Variants in XIRP2 observed in about 807,000 individuals in gnomAD.
XIRP2 encodes xin actin binding repeat containing 2.
Under a neutral mutation model 277.0 loss-of-function variants are expected in XIRP2, and 236 were observed. That is an observed-to-expected ratio of 0.85 (90% CI 0.77 to 0.95). The LOEUF (loss-of-function observed/expected upper bound fraction) is 0.95, where lower values mean the gene tolerates loss of function less well. Ranked by LOEUF, XIRP2 falls within the 40% of genes least tolerant of loss-of-function variation. The pLI, the probability that XIRP2 is intolerant of heterozygous loss-of-function variation, is 0.00. For missense variants in XIRP2, 4,640 were observed against 4,157.5 expected (o/e 1.12, Z -3.19); for synonymous variants, 1,490 against 1,416.5 (o/e 1.05, Z -1.17).
chr2:167,034,979 TGG>T (rs1381787543), intron 2 of XIRP2, among the ~76,000 whole-genome samples: 2 of 152,280 alleles, frequency 1.3e-5, no homozygotes, highest in East Asian at 3.9e-4. Context: ...TGAGATCCGA[TGG>T]GTTTATCAGG....
chr2:167,097,372 CT>C (rs149769877), intron 2 of XIRP2, among the ~76,000 whole-genome samples: 4,746 of 151,716 alleles, frequency 0.031, 85 homozygotes, highest in East Asian at 0.049. Context: ...GCAACCCCTG[CT>C]TTTTTTTGTT....
chr2:167,105,474 T>C (rs903966713), intron 2 of XIRP2, among the ~76,000 whole-genome samples: 1 of 151,976 alleles, frequency 6.6e-6, no homozygotes, highest in Non-Finnish European at 1.5e-5. Flanking sequence ...GTTGAGTATA[T>C]GTACAAATAG....
intron 4 of XIRP2, 115 bp downstream of exon 4, chr2:167,211,010 C>G: frequency 7.8e-7 from 1 of 1,286,444 alleles, no homozygotes; most frequent in East Asian, 2.5e-5. Context: ...GTAGAAAGAG[C>G]ACAAAAATAG....
At chr2:167,074,804 C>A (rs1689521406) in intron 2 of XIRP2, among the ~76,000 whole-genome samples, 1 of 152,002 alleles carries the variant, frequency 6.6e-6, no homozygotes, top group Admixed American at 6.6e-5. Flanking sequence ...CACACTCAGG[C>A]AATAGAGACA....
chr2:167,134,246 G>A (rs1165342394), intron 2 of XIRP2, among the ~76,000 whole-genome samples: 2 of 146,336 alleles, frequency 1.4e-5, no homozygotes, highest in African/African-American at 5.4e-5. Flanking sequence ...TTATATATTT[G>A]TGTGAATATA....
intron 2 of XIRP2, among the ~76,000 whole-genome samples, chr2:166,968,134 G>A (rs920144495): frequency 2.0e-5 from 3 of 151,894 alleles, no homozygotes; most frequent in African/African-American, 7.2e-5. Flanking sequence ...CATTAGAATT[G>A]TATGAAGATG....
rs777508243 is a variant in XIRP2, at chr2:167,244,834, A to G, written c.3442A>G (p.Lys1148Glu). 4.3e-6 allele frequency: 7 copies of G among 1,613,636 alleles called. No individual in the cohort carries two copies. In the East Asian group the frequency reaches 1.6e-4, roughly 36 times the overall value. Residue 1148 changes from lysine (K) to glutamate (E), a missense_variant, in exon 9 of 11, where the codon AAA (lysine) becomes GAA (glutamate). Transcript: ENST00000409195. ...AAAAGATGACTCTGAAACAGCAGTC[A>G]AATTGCAAACTGTAAAACAGGAGGA... ...TIKDDSETAV[K>E]LQTVKQEEIQ...
chr2:167,158,037 T>A (rs966561676), intron 3 of XIRP2, among the ~76,000 whole-genome samples: 2 of 152,204 alleles, frequency 1.3e-5, no homozygotes, highest in African/African-American at 4.8e-5. Flanking sequence ...GTGTTCTAGT[T>A]GTGCCGTAAC....
chr2:166,940,098 T>C (rs1360302825), intron 2 of XIRP2, among the ~76,000 whole-genome samples: 2 of 152,214 alleles, frequency 1.3e-5, no homozygotes, highest in Admixed American at 1.3e-4. Flanking sequence ...CAGACTTAGA[T>C]TTTTTCTTTC....
intron 5 of XIRP2, among the ~76,000 whole-genome samples, chr2:167,226,358 C>T (rs1268248305): frequency 1.3e-5 from 2 of 152,158 alleles, no homozygotes; most frequent in Non-Finnish European, 2.9e-5. Context: ...TCTCTTCCTA[C>T]CCACATCCAC....
At chr2:167,166,673 C>A (rs963006710) in intron 3 of XIRP2, among the ~76,000 whole-genome samples, 1 of 152,128 alleles carries the variant, frequency 6.6e-6, no homozygotes, top group Non-Finnish European at 1.5e-5. Flanking sequence ...ATGTGTGGCA[C>A]TCTTTTAAAC....
intron 2 of XIRP2, among the ~76,000 whole-genome samples, chr2:167,071,400 GC>G (rs1689433740): frequency 6.6e-6 from 1 of 152,104 alleles, no homozygotes; most frequent in African/African-American, 2.4e-5. Context: ...TATAAGAAAA[GC>G]CTAAGATGTA....
At chr2:166,925,858 C>T (rs552556750) in intron 2 of XIRP2, among the ~76,000 whole-genome samples, 1 of 151,576 alleles carries the variant, frequency 6.6e-6, no homozygotes, top group East Asian at 2.0e-4. Flanking sequence ...TCACTTGAGG[C>T]CAGGAGTTCT....
Position 166,903,522 on chromosome 2 carries a change from C to A in XIRP2, c.40C>A (p.Gln14Lys). Residue 14 changes from glutamine to lysine, a missense_variant, in exon 2 of 11, where the codon CAG becomes AAG. Gln to Lys is a moderately conservative substitution (Grantham distance 53). Coordinates refer to ENST00000409195, the MANE Select transcript of XIRP2 (RefSeq NM_152381.6). ...GAAGGGCTCCCTCAACCTCCTGAGG[C>A]AGAAATGGGAATCTTGTGATTATCA... ...MQKGSLNLLR[Q>K]KWESCDYQRS... 4 of 1,613,448 alleles carry A rather than the reference C, an allele frequency of 2.5e-6. No individual in the cohort carries two copies. In the South Asian group the frequency reaches 4.4e-5, roughly 18 times the overall value.
At chr2:167,094,718 G>A (rs188140095) in intron 2 of XIRP2, among the ~76,000 whole-genome samples, 1,534 of 152,072 alleles carry the variant, frequency 0.01, 14 homozygotes, top group Non-Finnish European at 0.016. Context: ...TGGTTACTGT[G>A]GCCTTGTAGT....
At chr2:167,029,926 T>C (rs139548170) in intron 2 of XIRP2, among the ~76,000 whole-genome samples, 1,730 of 151,776 alleles carry the variant, frequency 0.011, 27 homozygotes, top group South Asian at 0.066. Flanking sequence ...TTCCTGGTTT[T>C]CTTCCTAGTC....
chr2:166,952,151 G>A (rs963601687), intron 2 of XIRP2, among the ~76,000 whole-genome samples: 3 of 151,902 alleles, frequency 2.0e-5, no homozygotes, highest in Non-Finnish European at 4.4e-5. Context: ...CAAATTTTAT[G>A]GCTTCATATA....
chr2:166,902,166 T>C (rs975011225), intron 1 of XIRP2, among the ~76,000 whole-genome samples: 2 of 152,210 alleles, frequency 1.3e-5, no homozygotes, highest in East Asian at 3.9e-4. Context: ...CAGCAGTCCA[T>C]GAAACATTAG....
intron 3 of XIRP2, among the ~76,000 whole-genome samples, chr2:167,195,740 A>G (rs923677782): frequency 1.6e-4 from 24 of 152,354 alleles, no homozygotes; most frequent in African/African-American, 5.3e-4. Context: ...TCACAAGATC[A>G]GAAATCAGTG....
Sources: gnomAD v4.1 joint callset for allele counts (sites outside exome capture counted in the v4.1 genomes callset) on GRCh38, gnomAD v4.1.1 for gene constraint, MANE v1.5 for transcripts, NCBI Gene and HGNC (gene_info 2026-07-23, HGNC 2026-07-21) for gene names.